CNGB3: variants seen among roughly 807,000 people sequenced by gnomAD.
CNGB3 encodes cyclic nucleotide-gated channel beta-3.
CNGB3 carries 86 observed loss-of-function variants against 92.8 expected under a neutral mutation model. The ratio of observed to expected loss-of-function variants is 0.93; its 90% CI spans 0.78 to 1.11. CNGB3 has a LOEUF of 1.11. Ranked by LOEUF, CNGB3 falls within the 50% of genes least tolerant of loss-of-function variation. The pLI, the probability that CNGB3 is intolerant of heterozygous loss-of-function variation, is 0.00. For synonymous variants in CNGB3, 333 were observed against 332.7 expected (o/e 1.00, Z -0.01); for missense variants, 1,026 against 956.8 (o/e 1.07, Z -0.95).
intron 15 of CNGB3, among the ~76,000 whole-genome samples, chr8:86,591,811 C>T (rs1191870862): frequency 1.3e-5 from 2 of 152,160 alleles, no homozygotes; most frequent in African/African-American, 4.8e-5. Flanking sequence ...GTGCCCTGCC[C>T]CCAGAGGTGG....
In CNGB3 at chr8:86,579,213, A is replaced by C; in HGVS notation, c.1821T>G (p.Asn607Lys). The C allele has an allele frequency of 6.2e-7, 1 of 1,614,214 alleles. No individual in the cohort carries two copies. The highest frequency in any genetic ancestry group is 1.1e-5 in the South Asian group (1 of 91,082). The change falls in exon 16 of 18, where the codon AAT (asparagine) becomes AAG (lysine). Residue 607 changes from asparagine to lysine, a missense_variant. Asn to Lys is a moderately conservative substitution (Grantham distance 94, BLOSUM62 0). Transcript: ENST00000320005. ...GATTGGCAAACCCGTGGGCCACCAC[A>C]TTGGCAGTTCGACGGTTTCCTCCTC... ...AAGGGNRRTA[N>K]VVAHGFANLL...
At chr8:86,628,721 C>G (rs762822502) in intron 12 of CNGB3, among the ~76,000 whole-genome samples, 198 bp downstream of exon 12, 2 of 151,696 alleles carry the variant, frequency 1.3e-5, no homozygotes, top group Non-Finnish European at 2.9e-5. Context: ...AGCCTTTTCT[C>G]TTCCAAGGTT....
intron 6 of CNGB3, chr8:86,659,860 G>C: frequency 2.4e-6 from 1 of 423,160 alleles, no homozygotes; most frequent in Non-Finnish European, 4.7e-6. Context: ...AGATCCTTCA[G>C]GTTAGCAGAT....
In CNGB3 at chr8:86,643,631, C is replaced by T. The variant is rs548917464; in HGVS notation, c.1178+120G>A. The T allele has an allele frequency of 1.2e-4, 124 of 1,067,554 alleles. No homozygotes were observed. The African/African-American group carries it at 1.5e-3, about 13-fold the overall frequency. The allele number at this position is 1,067,554 out of a possible 1,614,324, so 66.1% of individuals were successfully genotyped here. A position where few individuals can be genotyped will look rare whatever the true frequency, so the allele number is the denominator to read the frequency against. On this transcript the variant is annotated intron_variant, in intron 10 of 17. Transcript: ENST00000320005. ...TTTATCCTTTTTTATGGCCAAATAG[C>T]ATTTACCAGCCATTGAATGGGTTAT...
At chr8:86,587,409 G>C (rs1047568568) in intron 15 of CNGB3, among the ~76,000 whole-genome samples, 17 of 152,136 alleles carry the variant, frequency 1.1e-4, no homozygotes, top group African/African-American at 3.4e-4. Flanking sequence ...TGAAGTCCTT[G>C]CCCATGCCTA....
chr8:86,653,350 G>A (rs1823441714), intron 7 of CNGB3, among the ~76,000 whole-genome samples: 1 of 151,708 alleles, frequency 6.6e-6, no homozygotes, highest in South Asian at 2.1e-4. Flanking sequence ...ACAATTGAAA[G>A]GGATGTAATC....
chr8:86,660,837 C>T (rs1823627204), intron 6 of CNGB3: 1 of 440,310 alleles, frequency 2.3e-6, no homozygotes. Context: ...AATAACTTGG[C>T]AATTCAGTTT....
In CNGB3 at chr8:86,578,798, A is replaced by G. The variant is rs768447937; in HGVS notation, c.1994T>C (p.Leu665Pro). Reference sequence around the variant, plus strand: ...GGGTGTCTCTTCTTTCGGTGGGAAGAGGAGGGCAAGATCTTTTCTTGGAGG... The same window carrying G: ...GGGTGTCTCTTCTTTCGGTGGGAAGGGGAGGGCAAGATCTTTTCTTGGAGG... ...ATPPRKDLALLFPPKEETPKL... is the reference protein window; with the variant it reads ...ATPPRKDLALPFPPKEETPKL... Residue 665 changes from leucine to proline, a missense_variant, in exon 17 of 18, where the codon CTC (leucine) becomes CCC (proline). Physicochemically the swap from Leu to Pro is moderately conservative, Grantham distance 98 (BLOSUM62 -3). Coordinates refer to ENST00000320005, the MANE Select transcript of CNGB3 (RefSeq NM_019098.5). 2 of 1,614,062 alleles carry G rather than the reference A, an allele frequency of 1.2e-6. No individual in the cohort carries two copies. Among genetic ancestry groups the G allele is most frequent in the Admixed American group, 3.3e-5 (2 of 60,010 alleles).
At chr8:86,738,013 T>C (rs376727196) in intron 2 of CNGB3, among the ~76,000 whole-genome samples, 32 of 152,358 alleles carry the variant, frequency 2.1e-4, no homozygotes, top group Middle Eastern at 6.8e-3. Context: ...ACATTTGGGC[T>C]AGTAAAAGCT....
At chr8:86,699,378 C>T (rs1824510537) in intron 3 of CNGB3, among the ~76,000 whole-genome samples, 1 of 152,066 alleles carries the variant, frequency 6.6e-6, no homozygotes, top group Non-Finnish European at 1.5e-5. Context: ...TGGCTCATTC[C>T]TATAATCCCA....
chr8:86,738,692 A>G (rs1482830734), intron 2 of CNGB3, among the ~76,000 whole-genome samples: 1 of 149,140 alleles, frequency 6.7e-6, no homozygotes, highest in Non-Finnish European at 1.5e-5. Flanking sequence ...ACAAAAAATT[A>G]GCCAGGCTTG....
intron 17 of CNGB3, 91 bp downstream of exon 17, chr8:86,578,598 G>A (rs1821701308): frequency 8.3e-7 from 1 of 1,200,614 alleles, no homozygotes; most frequent in Admixed American, 1.7e-5. Flanking sequence ...TCATCCCAGT[G>A]TCTGAAATGG....
intron 3 of CNGB3, among the ~76,000 whole-genome samples, chr8:86,700,833 T>G (rs1226164440): frequency 2.0e-5 from 3 of 152,012 alleles, no homozygotes; most frequent in Non-Finnish European, 2.9e-5. Context: ...AGAGACAGAG[T>G]TTTGCCATGT....
intron 3 of CNGB3, among the ~76,000 whole-genome samples, chr8:86,718,902 G>A (rs1824913098): frequency 6.6e-6 from 1 of 151,716 alleles, no homozygotes; most frequent in Admixed American, 6.6e-5. Flanking sequence ...TCACATAAAC[G>A]GGATTAAAAA....
chr8:86,628,729 G>T (rs767910511), intron 12 of CNGB3, among the ~76,000 whole-genome samples, 190 bp downstream of exon 12: 45 of 150,998 alleles, frequency 3.0e-4, no homozygotes, highest in Non-Finnish European at 5.6e-4. Flanking sequence ...CTCTTCCAAG[G>T]TTTTCAAAAC....
At chr8:86,587,419 A>T (rs1448155471) in intron 15 of CNGB3, among the ~76,000 whole-genome samples, 1 of 152,048 alleles carries the variant, frequency 6.6e-6, no homozygotes, top group Non-Finnish European at 1.5e-5. Context: ...GCCCATGCCT[A>T]TGTCCTGAAT....
At chr8:86,627,271 A>G (rs1284146686) in intron 12 of CNGB3, among the ~76,000 whole-genome samples, 1 of 152,136 alleles carries the variant, frequency 6.6e-6, no homozygotes, top group Non-Finnish European at 1.5e-5. Context: ...GAGTTGAATC[A>G]TTATCTGCCT....
rs1341348929 is a variant in CNGB3, at chr8:86,735,052, T to G, written c.211+4603A>C. ...TCTCAAATGCCGGTGGTTTTTTTTTTTTTTTTTTTTTTTTTTTTGTATGGT... is the reference window on the plus strand; with the variant it reads ...TCTCAAATGCCGGTGGTTTTTTTTTGTTTTTTTTTTTTTTTTTTGTATGGT... On this transcript the variant is annotated intron_variant, in intron 2 of 17. Coordinates refer to ENST00000320005, the MANE Select transcript of CNGB3 (RefSeq NM_019098.5). Among the ~76,000 whole-genome samples the G allele has an allele frequency of 1.1e-4, 16 of 143,740 alleles. 1 individual carries two copies. The highest frequency in any genetic ancestry group is 1.7e-4 in the Non-Finnish European group (11 of 66,542). The allele number at this position is 143,740 out of a possible 152,430, so 94.3% of individuals were successfully genotyped here.
chr8:86,581,491 A>G (rs1159186389), intron 15 of CNGB3, among the ~76,000 whole-genome samples: 10 of 152,244 alleles, frequency 6.6e-5, no homozygotes, highest in Admixed American at 5.2e-4. Flanking sequence ...ATCATTGTGA[A>G]ATATACCCAG....
Sources: allele counts gnomAD v4.1 joint callset (sites outside exome capture counted in the v4.1 genomes callset), GRCh38; gene constraint gnomAD v4.1.1; transcripts MANE v1.5; gene names NCBI Gene and HGNC (gene_info 2026-07-23, HGNC 2026-07-21).